The following KCNIP4 variants were observed in gnomAD, a reference collection of about 807,000 sequenced individuals.
The protein encoded by KCNIP4 is potassium voltage-gated channel interacting protein 4.
KCNIP4 carries 12 observed loss-of-function variants against 34.0 expected under a neutral mutation model. The observed-to-expected ratio is 0.35, with a 90% CI of 0.23 to 0.57. The LOEUF is 0.57. Among genes scored for constraint, KCNIP4 ranks in the 20% least tolerant of loss-of-function variants. The probability of loss-of-function intolerance (pLI) is 0.83; values close to 1 mark genes in which losing one functional copy is unlikely to be tolerated. For missense variants in KCNIP4, 238 were observed against 311.7 expected (o/e 0.76, Z 1.78); for synonymous variants, 124 against 102.2 (o/e 1.21, Z -1.29).
chr4:20,876,736 C>G (rs1418495834), intron 2 of KCNIP4, among the ~76,000 whole-genome samples: 1 of 152,036 alleles, frequency 6.6e-6, no homozygotes, highest in East Asian at 1.9e-4. Flanking sequence ...CCACGCCCAG[C>G]TAATTTTTTG....
chr4:21,539,606 G>C lies in KCNIP4; in HGVS notation c.61+408965C>G, dbSNP rs534133504. On this transcript the variant is annotated intron_variant, in intron 1 of 8. Coordinates refer to ENST00000382152, the MANE Select transcript of KCNIP4 (RefSeq NM_025221.6). ...GGAAATGGATCACTGAAATAGTCAT[G>C]TCCAGATTGAGCTGACATTTACTGA... Among the ~76,000 whole-genome samples, 73 of 152,230 alleles carry C rather than the reference G, an allele frequency of 4.8e-4. No individual in the cohort carries two copies. In the East Asian group the frequency reaches 8.3e-3, roughly 17 times the overall value.
intron 1 of KCNIP4, among the ~76,000 whole-genome samples, chr4:21,215,430 T>C (rs1757487758): frequency 6.6e-6 from 1 of 152,356 alleles, no homozygotes; most frequent in East Asian, 1.9e-4. Flanking sequence ...GCGTGTTCTT[T>C]TCCTAGTAAC....
chr4:21,148,217 G>C (rs945712922), intron 1 of KCNIP4, among the ~76,000 whole-genome samples: 1 of 152,022 alleles, frequency 6.6e-6, no homozygotes, highest in Admixed American at 6.6e-5. Context: ...TTTGCCTTTA[G>C]GCTAAGGAAC....
At chr4:21,921,980 T>A (rs1460969330) in intron 1 of KCNIP4, among the ~76,000 whole-genome samples, 2 of 152,014 alleles carry the variant, frequency 1.3e-5, no homozygotes, top group African/African-American at 4.8e-5. Flanking sequence ...GTGATCCGGC[T>A]CCCACCTACC....
intron 1 of KCNIP4, among the ~76,000 whole-genome samples, chr4:21,469,003 C>T (rs547860822): frequency 6.6e-6 from 1 of 152,148 alleles, no homozygotes; most frequent in African/African-American, 2.4e-5. Context: ...GAAGAAAACA[C>T]TCTGAAATAA....
intron 1 of KCNIP4, among the ~76,000 whole-genome samples, chr4:21,575,341 A>G (rs1212706868): frequency 6.6e-6 from 1 of 152,186 alleles, no homozygotes; most frequent in Non-Finnish European, 1.5e-5. Context: ...TTTTGAATTG[A>G]GTTCAATAGT....
chr4:21,758,001 A>T (rs75425591), intron 1 of KCNIP4, among the ~76,000 whole-genome samples: 1 of 152,288 alleles, frequency 6.6e-6, no homozygotes, highest in East Asian at 1.9e-4. Context: ...ACATCTGCAA[A>T]ATGGGTATGA....
chr4:21,142,506 T>G (rs1471162374), intron 1 of KCNIP4, among the ~76,000 whole-genome samples: 1 of 152,202 alleles, frequency 6.6e-6, no homozygotes, highest in Non-Finnish European at 1.5e-5. Context: ...GGCTCTGTAG[T>G]GAAGATTATC....
intron 1 of KCNIP4, among the ~76,000 whole-genome samples, chr4:21,300,357 A>C (rs867572555): frequency 3.9e-5 from 6 of 152,132 alleles, no homozygotes; most frequent in Non-Finnish European, 7.4e-5. Flanking sequence ...GGAGCCTCCT[A>C]AACTCCCCAC....
intron 6 of KCNIP4, among the ~76,000 whole-genome samples, chr4:20,733,664 A>T (rs1437455092): frequency 6.6e-6 from 1 of 152,192 alleles, no homozygotes; most frequent in Admixed American, 6.5e-5. Flanking sequence ...AACAAGAGAT[A>T]TTTAAGGTAT....
At chr4:21,021,090 T>C (rs952871511) in intron 1 of KCNIP4, among the ~76,000 whole-genome samples, 2 of 152,202 alleles carry the variant, frequency 1.3e-5, no homozygotes, top group African/African-American at 4.8e-5. Flanking sequence ...ATATGGCTTA[T>C]TGCTCCTAGG....
chr4:21,672,132 G>T lies in KCNIP4; in HGVS notation c.61+276439C>A, dbSNP rs561879387. 2.0e-5 allele frequency among the ~76,000 whole-genome samples: 3 copies of T among 152,244 alleles called. No homozygotes were observed. The South Asian group carries it at 6.2e-4, about 32-fold the overall frequency. ...GAACATCACACACCGGGGCCTGTCG[G>T]GAGGTGGAGAGCTAGGCGAGGAATA... On this transcript the variant is annotated intron_variant, in intron 1 of 8. Transcript: ENST00000382152.
At chr4:21,431,944 T>C (rs2109668440) in intron 1 of KCNIP4, among the ~76,000 whole-genome samples, 1 of 150,932 alleles carries the variant, frequency 6.6e-6, no homozygotes, top group South Asian at 2.1e-4. Flanking sequence ...AAGCTACTGA[T>C]AAATAATATT....
chr4:21,439,256 T>C (rs1257892720), intron 1 of KCNIP4, among the ~76,000 whole-genome samples: 1 of 151,856 alleles, frequency 6.6e-6, no homozygotes, highest in East Asian at 1.9e-4. Flanking sequence ...TCCTATGATG[T>C]GGGAATGTAG....
At chr4:21,240,196 G>A (rs1372957062) in intron 1 of KCNIP4, among the ~76,000 whole-genome samples, 1 of 131,744 alleles carries the variant, frequency 7.6e-6, no homozygotes, top group Admixed American at 8.9e-5. Flanking sequence ...GACACAGGAA[G>A]AGGAACATCA....
chr4:21,335,441 G>A lies in KCNIP4; in HGVS notation c.62-452732C>T, dbSNP rs143640195. On this transcript the variant is annotated intron_variant, in intron 1 of 8. Coordinates refer to ENST00000382152, the MANE Select transcript of KCNIP4 (RefSeq NM_025221.6). The stretch of plus-strand genomic sequence containing the variant: ...CACAGTCACAAAAAAATATGATACC[G>A]AAAGCATTTGAATATTGTCTATTGC... Among the ~76,000 whole-genome samples the A allele has an allele frequency of 1.1e-3, 162 of 152,142 alleles. 1 individual carries two copies. The highest frequency in any genetic ancestry group is 3.8e-3 in the African/African-American group (158 of 41,518).
chr4:21,472,040 A>G (rs1228100085), intron 1 of KCNIP4, among the ~76,000 whole-genome samples: 1 of 152,202 alleles, frequency 6.6e-6, no homozygotes, highest in Non-Finnish European at 1.5e-5. Flanking sequence ...TATCATCACA[A>G]AGATGACAAT....
At chr4:21,905,301 A>G (rs1727932359) in intron 1 of KCNIP4, among the ~76,000 whole-genome samples, 1 of 152,132 alleles carries the variant, frequency 6.6e-6, no homozygotes. Context: ...CTGCTCAGGA[A>G]GCAGGCTGAG....
intron 1 of KCNIP4, among the ~76,000 whole-genome samples, chr4:21,895,799 G>A (rs956188250): frequency 1.3e-5 from 2 of 152,112 alleles, no homozygotes; most frequent in Admixed American, 1.3e-4. Context: ...AATGGGAAAA[G>A]AACCTTCCCC....
Sources: allele counts gnomAD v4.1 joint callset (sites outside exome capture counted in the v4.1 genomes callset), GRCh38; gene constraint gnomAD v4.1.1; transcripts MANE v1.5; gene names NCBI Gene and HGNC (gene_info 2026-07-23, HGNC 2026-07-21).